Variants in MARCHF10 observed in about 807,000 individuals in gnomAD.
MARCHF10 encodes membrane associated ring-CH-type finger 10.
A neutral mutation model predicts 76.2 loss-of-function variants in MARCHF10; 64 were observed. The ratio of observed to expected loss-of-function variants is 0.84; its 90% CI spans 0.69 to 1.03. The LOEUF is 1.03. Among genes scored for constraint, MARCHF10 ranks in the 50% least tolerant of loss-of-function variants. MARCHF10 has a pLI of 0.00. For synonymous variants in MARCHF10, 340 were observed against 357.5 expected, an observed-to-expected ratio of 0.95 and a Z score of 0.55; for missense variants, 875 against 958.0, an observed-to-expected ratio of 0.91 and a Z score of 1.14.
intron 2 of MARCHF10, among the ~76,000 whole-genome samples, chr17:62,790,531 C>T (rs1274863667): frequency 6.6e-6 from 1 of 152,196 alleles, no homozygotes; most frequent in Non-Finnish European, 1.5e-5. Flanking sequence ...CCCAATTCAA[C>T]TTTGCCTTGC....
chr17:62,737,457 G>C (rs749016536), intron 5 of MARCHF10, 125 bp from the exon 6 acceptor site: 1 of 864,230 alleles, frequency 1.2e-6, no homozygotes, highest in South Asian at 1.6e-5. Flanking sequence ...AAACAGACAC[G>C]GTCAAAATGG....
chr17:62,800,010 C>T lies in MARCHF10; in HGVS notation c.90+1636G>A, dbSNP rs986045580. ...ACCTCCCCTGCTTCTAAGGGATCAC[C>T]GCCTCCAACCCCTTAACCTGTTTTA... On this transcript the variant is annotated intron_variant, in intron 2 of 10. Transcript: ENST00000311269. Among the ~76,000 whole-genome samples, 4 of 152,166 alleles carry T rather than the reference C, an allele frequency of 2.6e-5. No homozygotes were observed. In the East Asian group the frequency reaches 5.8e-4, roughly 22 times the overall value.
At chr17:62,720,531 C>G (rs142315324) in intron 8 of MARCHF10, among the ~76,000 whole-genome samples, 140 of 152,338 alleles carry the variant, frequency 9.2e-4, no homozygotes, top group African/African-American at 3.3e-3. Flanking sequence ...AGGTTAGGCT[C>G]TGGTTAAATA....
At chr17:62,749,465 T>C (rs1353952433) in intron 4 of MARCHF10, among the ~76,000 whole-genome samples, 2 of 152,078 alleles carry the variant, frequency 1.3e-5, no homozygotes, top group South Asian at 2.1e-4. Flanking sequence ...AAAAAAAAAG[T>C]GTGCTTTCTT....
intron 6 of MARCHF10, among the ~76,000 whole-genome samples, chr17:62,730,636 C>T (rs1038670325): frequency 6.6e-6 from 1 of 152,148 alleles, no homozygotes; most frequent in African/African-American, 2.4e-5. Context: ...TGGCTCATGC[C>T]TATAATCCCA....
chr17:62,724,357 G>C (rs941423032), intron 7 of MARCHF10, among the ~76,000 whole-genome samples: 1 of 152,070 alleles, frequency 6.6e-6, no homozygotes, highest in Admixed American at 6.6e-5. Context: ...TAAGATGCTA[G>C]GGAGCTGACA....
chr17:62,729,470 AGAT>A lies in MARCHF10; in HGVS notation c.1938-4369_1938-4367del, dbSNP rs535158818. Among the ~76,000 whole-genome samples the A allele has an allele frequency of 1.5e-4, 22 of 148,460 alleles. No homozygotes were observed. In the South Asian group the frequency reaches 4.2e-3, roughly 28 times the overall value. ...AGAGATTATATATATATTTATATGT[AGAT>A]GATATATATTTATTATATAAATATA... is the stretch of plus-strand genomic sequence containing the variant. On this transcript the variant is annotated intron_variant, in intron 6 of 10. Coordinates refer to ENST00000311269, the MANE Select transcript of MARCHF10 (RefSeq NM_152598.4).
intron 6 of MARCHF10, among the ~76,000 whole-genome samples, chr17:62,730,784 C>T (rs2090992003): frequency 6.6e-6 from 1 of 152,022 alleles, no homozygotes; most frequent in Admixed American, 6.6e-5. Flanking sequence ...TTCCCAGCTA[C>T]TCGGGAGGCT....
At chr17:62,735,727 G>A in intron 6 of MARCHF10, 1 of 568,942 alleles carries the variant, frequency 1.8e-6, no homozygotes. Flanking sequence ...AGAAGAAACT[G>A]ATCAGGAACA....
chr17:62,804,703 T>A (rs1227530125), intron 1 of MARCHF10, among the ~76,000 whole-genome samples: 1 of 152,132 alleles, frequency 6.6e-6, no homozygotes, highest in East Asian at 1.9e-4. Context: ...CACAAAGGGA[T>A]AAAATGGCAC....
Position 62,712,805 on chromosome 17 carries a change from C to T in MARCHF10, c.2215-1461G>A, listed in dbSNP as rs1286052162. 4.6e-5 allele frequency among the ~76,000 whole-genome samples: 7 copies of T among 152,100 alleles called. No homozygotes were observed. Among genetic ancestry groups the T allele is most frequent in the Admixed American group, 1.3e-4 (2 of 15,256 alleles). ...TCTTGCCCAGGCTGGAGTGCAATGG[C>T]GTGATCTCGGCTCACTGCAACCTCC... On this transcript the variant is annotated intron_variant, in intron 8 of 10. Transcript: ENST00000311269. This position sits in a 1 kb window ranked among gnomAD's most constrained non-coding sequence, Gnocchi z 4.2.
At position 62,711,996 on chromosome 17, in the gene MARCHF10, C is replaced by A. The variant is rs2089958352; in HGVS notation, c.2215-652G>T. On this transcript the variant is annotated intron_variant, in intron 8 of 10. Transcript: ENST00000311269. The surrounding 1 kb of genome is among the most constrained non-coding windows in gnomAD (Gnocchi z 4.4). ...TCGCTGGTGCTCAGAACAGGCGCTA[C>A]ACAGGGAGGATGTGATGGTCTGGCT... Among the ~76,000 whole-genome samples, 1 of 152,232 alleles carries A rather than the reference C, an allele frequency of 6.6e-6. No individual in the cohort carries two copies. The highest frequency in any genetic ancestry group is 1.5e-5 in the Non-Finnish European group (1 of 68,042).
intron 2 of MARCHF10, among the ~76,000 whole-genome samples, chr17:62,792,005 C>T (rs2092851986): frequency 6.6e-6 from 1 of 152,092 alleles, no homozygotes; most frequent in Non-Finnish European, 1.5e-5. Context: ...ATAAATAAGT[C>T]TCTGATCATG....
chr17:62,783,172 T>C (rs1440012352), intron 3 of MARCHF10, among the ~76,000 whole-genome samples: 1 of 149,788 alleles, frequency 6.7e-6, no homozygotes, highest in Non-Finnish European at 1.5e-5. Context: ...CCTGTCCTCA[T>C]ATTTTAGAGG....
At chr17:62,793,510 ACCACC>A (rs2092920439) in intron 2 of MARCHF10, among the ~76,000 whole-genome samples, 1 of 63,820 alleles carries the variant, frequency 1.6e-5, no homozygotes. Context: ...CACCTCCATC[ACCACC>A]ACCACCACCT....
chr17:62,803,703 G>A (rs11869995), intron 1 of MARCHF10, among the ~76,000 whole-genome samples: 77,785 of 151,732 alleles, frequency 0.51, 21,084 homozygotes, highest in East Asian at 0.69. Context: ...ATTAGTAGAG[G>A]CGAGGTTTCA....
chr17:62,766,646 T>C (rs2092339287), intron 3 of MARCHF10, among the ~76,000 whole-genome samples: 1 of 152,222 alleles, frequency 6.6e-6, no homozygotes, highest in African/African-American at 2.4e-5. Context: ...TGAATTCATA[T>C]TCTTTTAGCT....
At chr17:62,772,752 T>A (rs964547409) in intron 3 of MARCHF10, among the ~76,000 whole-genome samples, 4 of 152,238 alleles carry the variant, frequency 2.6e-5, no homozygotes, top group African/African-American at 9.6e-5. Context: ...AATCTCAGCA[T>A]ATTTTTCATC....
intron 3 of MARCHF10, among the ~76,000 whole-genome samples, chr17:62,778,411 G>C (rs539570875): frequency 6.6e-6 from 1 of 152,176 alleles, no homozygotes; most frequent in African/African-American, 2.4e-5. Context: ...TAGCAGCCTG[G>C]AAGACTGCCT....
Sources: allele counts gnomAD v4.1 joint callset (sites outside exome capture counted in the v4.1 genomes callset), GRCh38; gene constraint gnomAD v4.1.1; non-coding constraint Gnocchi (gnomAD v3.1); transcripts MANE v1.5; gene names NCBI Gene and HGNC (gene_info 2026-07-23, HGNC 2026-07-21).